NRG3: variants seen among roughly 807,000 people sequenced by gnomAD.
NRG3 encodes the protein pro-neuregulin-3, membrane-bound isoform.
NRG3 carries 31 observed loss-of-function variants against 66.9 expected under a neutral mutation model. That is an observed-to-expected ratio of 0.46 (90% CI 0.35 to 0.63). NRG3 has a LOEUF of 0.63. NRG3 is among the 20% of genes least tolerant of loss of function. NRG3 has a pLI of 0.00. For synonymous variants in NRG3, 393 were observed against 359.4 expected (o/e 1.09, Z -1.06); for missense variants, 910 against 878.9 (o/e 1.04, Z -0.45).
intron 4 of NRG3, among the ~76,000 whole-genome samples, chr10:82,890,127 G>GT (rs35591529): frequency 0.036 from 4,915 of 138,102 alleles, 101 homozygotes; most frequent in African/African-American, 0.06. Context: ...GATCTGCTAA[G>GT]TTTTTTTTTT....
chr10:82,734,155 G>A (rs1427793782), intron 2 of NRG3, among the ~76,000 whole-genome samples: 1 of 152,180 alleles, frequency 6.6e-6, no homozygotes, highest in Non-Finnish European at 1.5e-5. Flanking sequence ...TGCTGGTACT[G>A]TTCGCTTTTC....
intron 2 of NRG3, among the ~76,000 whole-genome samples, chr10:82,445,885 T>C (rs965805357): frequency 1.3e-5 from 2 of 152,228 alleles, no homozygotes; most frequent in African/African-American, 4.8e-5. Flanking sequence ...AGTTTATTCT[T>C]AGCTTTACAT....
At chr10:82,195,246 A>G (rs2074381641) in intron 1 of NRG3, among the ~76,000 whole-genome samples, 2 of 152,194 alleles carry the variant, frequency 1.3e-5, no homozygotes, top group African/African-American at 2.4e-5. Context: ...AGTGTTTGCA[A>G]TCTTGGAAAA....
At chr10:82,744,924 A>G (rs979569303) in intron 3 of NRG3, among the ~76,000 whole-genome samples, 2 of 152,120 alleles carry the variant, frequency 1.3e-5, no homozygotes, top group Non-Finnish European at 2.9e-5. Flanking sequence ...TGTTGTTTCA[A>G]CTGTCACCTT....
intron 2 of NRG3, among the ~76,000 whole-genome samples, chr10:82,687,363 A>C (rs1209326849): frequency 6.6e-6 from 1 of 152,084 alleles, no homozygotes; most frequent in Non-Finnish European, 1.5e-5. Flanking sequence ...GCTTGTAATT[A>C]TTCTTCATGC....
chr10:82,965,460 G>A (rs560060816), intron 6 of NRG3, among the ~76,000 whole-genome samples: 1 of 152,274 alleles, frequency 6.6e-6, no homozygotes, highest in South Asian at 2.1e-4. Context: ...TTTGGGCTGG[G>A]CACTGTGGTT....
chr10:82,429,911 A>C (rs1199738463), intron 2 of NRG3, among the ~76,000 whole-genome samples: 1 of 152,062 alleles, frequency 6.6e-6, no homozygotes, highest in African/African-American at 2.4e-5. Flanking sequence ...TGCTGCCAAC[A>C]CCTTCTTGTG....
intron 2 of NRG3, among the ~76,000 whole-genome samples, chr10:82,729,026 A>G (rs374729010): frequency 6.6e-6 from 1 of 152,104 alleles, no homozygotes; most frequent in East Asian, 1.9e-4. Context: ...TACACAGAGC[A>G]TGTACTAAAT....
intron 2 of NRG3, among the ~76,000 whole-genome samples, chr10:82,593,637 A>G (rs1391723966): frequency 2.0e-5 from 3 of 152,134 alleles, no homozygotes; most frequent in Non-Finnish European, 4.4e-5. Context: ...GATAATATAT[A>G]CAAAACACTT....
At chr10:82,300,410 T>G (rs577107541) in intron 1 of NRG3, among the ~76,000 whole-genome samples, 1 of 152,260 alleles carries the variant, frequency 6.6e-6, no homozygotes, top group South Asian at 2.1e-4. Flanking sequence ...AAAATTGCAA[T>G]GTAAATTATT....
At chr10:82,024,740 A>G (rs1335554403) in intron 1 of NRG3, among the ~76,000 whole-genome samples, 1 of 152,058 alleles carries the variant, frequency 6.6e-6, no homozygotes, top group Non-Finnish European at 1.5e-5. Flanking sequence ...AAATGCGGAA[A>G]AGATTGAGAA....
chr10:81,891,996 T>G (rs1843052376), intron 1 of NRG3, among the ~76,000 whole-genome samples: 2 of 152,202 alleles, frequency 1.3e-5, no homozygotes, highest in Admixed American at 6.5e-5. Context: ...GATGAAGATT[T>G]TGTTTTTGTT....
intron 2 of NRG3, among the ~76,000 whole-genome samples, chr10:82,673,717 C>A (rs957755711): frequency 1.3e-5 from 2 of 152,158 alleles, no homozygotes; most frequent in Non-Finnish European, 2.9e-5. Context: ...CTTCACTGGG[C>A]TTTCAGACAG....
intron 1 of NRG3, among the ~76,000 whole-genome samples, chr10:82,005,991 C>A (rs1360388161): frequency 1.3e-5 from 2 of 151,240 alleles, no homozygotes; most frequent in Admixed American, 6.6e-5. Flanking sequence ...TTTTAGCATA[C>A]AAACTTAAAG....
intron 2 of NRG3, among the ~76,000 whole-genome samples, chr10:82,455,315 A>G (rs1200330951): frequency 6.6e-6 from 1 of 152,218 alleles, no homozygotes; most frequent in African/African-American, 2.4e-5. Flanking sequence ...AACCTAGGCT[A>G]TATTGTATGG....
chr10:82,446,362 A>G (rs2090719892), intron 2 of NRG3, among the ~76,000 whole-genome samples: 1 of 152,222 alleles, frequency 6.6e-6, no homozygotes, highest in African/African-American at 2.4e-5. Context: ...ACTGTTCACA[A>G]TAGCAAAGAC....
At chr10:82,488,102 G>A (rs781303468) in intron 2 of NRG3, among the ~76,000 whole-genome samples, 1 of 152,272 alleles carries the variant, frequency 6.6e-6, no homozygotes, top group South Asian at 2.1e-4. Flanking sequence ...ATATAATTAT[G>A]AGCCTGTTCT....
chr10:82,293,121 T>G (rs2079842139), intron 1 of NRG3, among the ~76,000 whole-genome samples: 1 of 152,198 alleles, frequency 6.6e-6, no homozygotes, highest in East Asian at 1.9e-4. Context: ...GAGTGCTCTC[T>G]TGATTCTCCT....
chr10:82,629,336 G>A (rs2049649172), intron 2 of NRG3, among the ~76,000 whole-genome samples: 1 of 152,248 alleles, frequency 6.6e-6, no homozygotes, highest in Non-Finnish European at 1.5e-5. Flanking sequence ...GGAAATTGAA[G>A]GTTGAAGTAC....
Sources: allele counts gnomAD v4.1 joint callset (sites outside exome capture counted in the v4.1 genomes callset), GRCh38; gene constraint gnomAD v4.1.1; transcripts MANE v1.5; gene names NCBI Gene and HGNC (gene_info 2026-07-23, HGNC 2026-07-21).